Variants in EFCAB6 observed in about 807,000 individuals in gnomAD.
The protein encoded by EFCAB6 is EF-hand calcium-binding domain-containing protein 6.
EFCAB6 carries 156 observed loss-of-function variants against 169.8 expected under a neutral mutation model. The ratio of observed to expected loss-of-function variants is 0.92; its 90% CI spans 0.81 to 1.05. EFCAB6 has a LOEUF of 1.05. EFCAB6 is among the 50% of genes least tolerant of loss of function. The pLI is 0.00. For missense variants in EFCAB6, 1,800 were observed against 1,829.1 expected, an observed-to-expected ratio of 0.98 and a Z score of 0.29; for synonymous variants, 698 against 676.4, an observed-to-expected ratio of 1.03 and a Z score of -0.50.
intron 3 of EFCAB6, among the ~76,000 whole-genome samples, chr22:43,780,782 G>C (rs1390318830): frequency 6.6e-6 from 1 of 152,174 alleles, no homozygotes; most frequent in Non-Finnish European, 1.5e-5. Flanking sequence ...AGGCTCCCTG[G>C]TAGATGCATG....
intron 24 of EFCAB6, among the ~76,000 whole-genome samples, chr22:43,586,667 T>A (rs1451654359): frequency 6.6e-6 from 1 of 152,118 alleles, no homozygotes; most frequent in African/African-American, 2.4e-5. Flanking sequence ...CTAGTTCTGT[T>A]ACCACTCAAA....
intron 17 of EFCAB6, among the ~76,000 whole-genome samples, chr22:43,654,296 T>A (rs1225934574): frequency 1.3e-5 from 2 of 152,230 alleles, no homozygotes; most frequent in African/African-American, 4.8e-5. Context: ...ACTTCTTCCC[T>A]GAGGGCTGTG....
At chr22:43,591,458 TAA>T (rs35033134) in intron 23 of EFCAB6, among the ~76,000 whole-genome samples, 8 of 84,920 alleles carry the variant, frequency 9.4e-5, no homozygotes, top group East Asian at 3.5e-4. Flanking sequence ...CTCTGTCTTA[TAA>T]AAAAAAAAAA....
chr22:43,569,817 T>C (rs1011295121), intron 26 of EFCAB6, among the ~76,000 whole-genome samples: 1 of 152,184 alleles, frequency 6.6e-6, no homozygotes, highest in Non-Finnish European at 1.5e-5. Flanking sequence ...ATCGCTGAAA[T>C]TACATCAAGA....
In EFCAB6 at chr22:43,592,154, T is replaced by C. The variant is rs570136289; in HGVS notation, c.2877-1925A>G. 4.1e-4 allele frequency among the ~76,000 whole-genome samples: 62 copies of C among 152,342 alleles called. 1 individual carries two copies. The highest frequency in any genetic ancestry group is 1.4e-3 in the African/African-American group (60 of 41,584). On this transcript the variant is annotated intron_variant, in intron 23 of 31. Transcript: ENST00000262726. ...GTCAGGACTCTGGGAGAGGTGAGAT[T>C]CAGTGGGAATATTCAGGGTGGTGAA... is the stretch of plus-strand genomic sequence containing the variant.
rs946992290 is a variant in EFCAB6 at position 43,808,078 on chromosome 22, G to C, written c.-8+917C>G. The stretch of plus-strand genomic sequence containing the variant: ...TTCCACATCCACAGATTCAACAGTG[G>C]ATTGAAAATATTCAGGAAAAATATG... On this transcript the variant is annotated intron_variant, in intron 2 of 31. Transcript: ENST00000262726. Among the ~76,000 whole-genome samples the C allele has an allele frequency of 4.1e-4, 63 of 152,156 alleles. 3 individuals are homozygous for C. Among genetic ancestry groups the C allele is most frequent in the Non-Finnish European group, 2.9e-5 (2 of 68,024 alleles).
At chr22:43,785,534 A>T (rs2062045732) in intron 2 of EFCAB6, among the ~76,000 whole-genome samples, 1 of 150,658 alleles carries the variant, frequency 6.6e-6, no homozygotes, top group African/African-American at 2.4e-5. Context: ...AAATTTGTAG[A>T]TGTTAATGCC....
At chr22:43,725,273 C>T (rs1298992131) in intron 8 of EFCAB6, among the ~76,000 whole-genome samples, 1 of 151,844 alleles carries the variant, frequency 6.6e-6, no homozygotes, top group Non-Finnish European at 1.5e-5. Context: ...TCCCGAATAG[C>T]TGGGATTACA....
At chr22:43,540,096 C>T (rs559316817) in intron 28 of EFCAB6, 31 bp downstream of exon 28, 2 of 1,610,790 alleles carry the variant, frequency 1.2e-6, no homozygotes, top group Admixed American at 1.7e-5. Flanking sequence ...CATGAGGAGG[C>T]CTGGGACACC....
intron 11 of EFCAB6, among the ~76,000 whole-genome samples, chr22:43,684,658 T>C (rs533093184): frequency 2.0e-5 from 3 of 152,348 alleles, no homozygotes; most frequent in South Asian, 4.1e-4. Flanking sequence ...TTCTTCCGTT[T>C]GTGCAGAAAC....
rs918123935 is a variant in EFCAB6, at chr22:43,628,575, G to A, written c.2233-1896C>T. On this transcript the variant is annotated intron_variant, in intron 19 of 31. Coordinates refer to ENST00000262726, the MANE Select transcript of EFCAB6 (RefSeq NM_022785.4). The surrounding 1 kb of genome is among the most constrained non-coding windows in gnomAD (Gnocchi z 4.8). Reference sequence around the variant, plus strand: ...CAGAGTCCAAGGCCAAGGCCTGGCCGTGGCCCACAAGCCTGTCTACACCCC... The same window carrying A: ...CAGAGTCCAAGGCCAAGGCCTGGCCATGGCCCACAAGCCTGTCTACACCCC... Among the ~76,000 whole-genome samples the A allele has an allele frequency of 6.6e-6, 1 of 152,056 alleles. No individual in the cohort carries two copies. The highest frequency in any genetic ancestry group is 1.5e-5 in the Non-Finnish European group (1 of 68,008).
intron 12 of EFCAB6, among the ~76,000 whole-genome samples, chr22:43,680,622 T>C (rs895386249): frequency 1.3e-5 from 2 of 152,222 alleles, no homozygotes; most frequent in Non-Finnish European, 2.9e-5. Flanking sequence ...TTTACTTTCC[T>C]TTAACAATGT....
At chr22:43,775,741 G>A (rs958884570) in intron 3 of EFCAB6, among the ~76,000 whole-genome samples, 10 of 152,206 alleles carry the variant, frequency 6.6e-5, no homozygotes, top group African/African-American at 2.4e-4. Context: ...ACCGCACCCG[G>A]CCATGCCTGG....
At chr22:43,608,158 G>C (rs2053049681) in intron 22 of EFCAB6, among the ~76,000 whole-genome samples, 1 of 152,202 alleles carries the variant, frequency 6.6e-6, no homozygotes, top group Non-Finnish European at 1.5e-5. Flanking sequence ...AGTCCTTGGA[G>C]AGTGACTTGT....
At chr22:43,708,603 AT>A (rs2059044868) in intron 10 of EFCAB6, among the ~76,000 whole-genome samples, 1 of 152,204 alleles carries the variant, frequency 6.6e-6, no homozygotes, top group Non-Finnish European at 1.5e-5. Flanking sequence ...GATATATGCT[AT>A]TTAATAAGAA....
At position 43,554,912 on chromosome 22, in the gene EFCAB6, C is replaced by G. The variant is rs2048611411; in HGVS notation, c.3605G>C (p.Arg1202Thr). Reference sequence around the variant, plus strand: ...TTGGACGCGGCGATTACAAATGGCCCTAAACTCCTCTCTGGAGATGGTGTT... The same window carrying G: ...TTGGACGCGGCGATTACAAATGGCCGTAAACTCCTCTCTGGAGATGGTGTT... ...KTNTISREEFRAICNRRVQIL... is the reference protein window; with the variant it reads ...KTNTISREEFTAICNRRVQIL... Residue 1202 changes from arginine to threonine, a missense_variant, in exon 27 of 32, where the codon AGG becomes ACG. Transcript: ENST00000262726. 6.2e-7 allele frequency: 1 copy of G among 1,614,162 alleles called. No homozygotes were observed. The highest frequency in any genetic ancestry group is 2.2e-5 in the East Asian group (1 of 44,886).
chr22:43,811,771 AG>A (rs2063139571), intron 1 of EFCAB6, among the ~76,000 whole-genome samples: 1 of 152,132 alleles, frequency 6.6e-6, no homozygotes, highest in Non-Finnish European at 1.5e-5. Context: ...GACATTCACA[AG>A]ACTGCTGTGG....
intron 23 of EFCAB6, among the ~76,000 whole-genome samples, chr22:43,590,440 C>T (rs988139451): frequency 6.6e-6 from 1 of 152,144 alleles, no homozygotes. Flanking sequence ...TTATTACCAT[C>T]ATTAGCAAAA....
intron 27 of EFCAB6, among the ~76,000 whole-genome samples, chr22:43,542,243 T>A (rs1186496852): frequency 6.6e-6 from 1 of 152,202 alleles, no homozygotes; most frequent in East Asian, 1.9e-4. Context: ...AAGGATCTCC[T>A]CTTCTAACAG....
Sources: allele counts gnomAD v4.1 joint callset (sites outside exome capture counted in the v4.1 genomes callset), GRCh38; gene constraint gnomAD v4.1.1; non-coding constraint Gnocchi (gnomAD v3.1); transcripts MANE v1.5; gene names NCBI Gene and HGNC (gene_info 2026-07-23, HGNC 2026-07-21).